Variants in SCARB1 observed in about 807,000 individuals in gnomAD.
SCARB1 encodes CD36 and LIMPII analogous 1.
SCARB1 carries 30 observed loss-of-function variants against 57.2 expected under a neutral mutation model. The observed-to-expected ratio is 0.52, with a 90% confidence interval of 0.39 to 0.71. SCARB1 has a LOEUF of 0.71. Ranked by LOEUF, SCARB1 falls within the 30% of genes least tolerant of loss-of-function variation. SCARB1 has a pLI of 0.00. For synonymous variants in SCARB1, 249 were observed against 268.3 expected, an observed-to-expected ratio of 0.93 and a Z score of 0.70; for missense variants, 543 against 671.2, an observed-to-expected ratio of 0.81 and a Z score of 2.11.
chr12:124,858,147 T>TCA (rs371436317), intron 1 of SCARB1, among the ~76,000 whole-genome samples: 24 of 151,592 alleles, frequency 1.6e-4, no homozygotes, highest in East Asian at 9.7e-4. Context: ...ACAGACACCT[T>TCA]CACACACACA....
chr12:124,840,198 T>C (rs1313482491), intron 1 of SCARB1, among the ~76,000 whole-genome samples: 1 of 152,164 alleles, frequency 6.6e-6, no homozygotes, highest in Admixed American at 6.5e-5. Flanking sequence ...TTTTTTTTTT[T>C]TAAGACAGAG....
rs1950630719 is a variant in SCARB1, at chr12:124,814,532, T to C, written c.427-127A>G. 2 of 963,578 alleles carry C rather than the reference T, an allele frequency of 2.1e-6. No individual in the cohort carries two copies. The highest frequency in any genetic ancestry group is 3.3e-6 in the Non-Finnish European group (2 of 613,152). The allele number at this position is 963,578 out of a possible 1,614,324, so 59.7% of individuals were successfully genotyped here. ...GCTGGGGTGCAGGAGGCCCCTGGAG[T>C]GGCCACGTGGGGCATCTGGGACACC... On this transcript the variant is annotated intron_variant, in intron 3 of 12. Transcript: ENST00000261693. The surrounding 1 kb of genome is among the most constrained non-coding windows in gnomAD (Gnocchi z 4.7).
intron 2 of SCARB1, among the ~76,000 whole-genome samples, chr12:124,816,305 C>T (rs572255056): frequency 3.8e-4 from 58 of 152,280 alleles, no homozygotes; most frequent in Non-Finnish European, 2.2e-4. Flanking sequence ...GGTCTGCCTG[C>T]GCCCCCAGCA....
At chr12:124,782,957 C>A (rs1397720494) in intron 11 of SCARB1, 146 bp from the exon 12 acceptor site, 2 of 793,238 alleles carry the variant, frequency 2.5e-6, no homozygotes, top group Non-Finnish European at 4.2e-6. Context: ...TTGCAGGTGG[C>A]TGAGATGTGG....
intron 1 of SCARB1, chr12:124,821,656 G>T: frequency 2.0e-6 from 1 of 497,146 alleles, no homozygotes. Context: ...CATACAATGG[G>T]CGTAAGGAGA....
intron 1 of SCARB1, among the ~76,000 whole-genome samples, chr12:124,843,228 T>C (rs1951979509): frequency 6.8e-6 from 1 of 147,816 alleles, no homozygotes; most frequent in South Asian, 2.2e-4. Flanking sequence ...CACGTGACCA[T>C]CCGCAGCTGC....
At chr12:124,829,064 C>T (rs1951282591) in intron 1 of SCARB1, among the ~76,000 whole-genome samples, 1 of 152,194 alleles carries the variant, frequency 6.6e-6, no homozygotes, top group Non-Finnish European at 1.5e-5. Context: ...ACCCTTGGCT[C>T]ATGTTCCAAC....
chr12:124,840,791 C>A (rs555578925), intron 1 of SCARB1, among the ~76,000 whole-genome samples: 11 of 152,316 alleles, frequency 7.2e-5, no homozygotes, highest in African/African-American at 2.6e-4. Flanking sequence ...CCCCACCTGG[C>A]TCAAATCACC....
At chr12:124,852,548 C>A (rs982552401) in intron 1 of SCARB1, among the ~76,000 whole-genome samples, 13 of 152,232 alleles carry the variant, frequency 8.5e-5, no homozygotes, top group African/African-American at 2.9e-4. Flanking sequence ...CTGCGGAGGA[C>A]CCCCACTGGG....
chr12:124,804,106 C>G (rs1403997161), intron 7 of SCARB1, among the ~76,000 whole-genome samples: 3 of 152,168 alleles, frequency 2.0e-5, no homozygotes, highest in Non-Finnish European at 2.9e-5. Context: ...GTGGGGCCGG[C>G]CCACCCAGGA....
chr12:124,857,269 G>T (rs1594408447), intron 1 of SCARB1, among the ~76,000 whole-genome samples: 1 of 152,162 alleles, frequency 6.6e-6, no homozygotes, highest in South Asian at 2.1e-4. Context: ...AGACACAATA[G>T]TACCTATTTT....
At chr12:124,790,667 C>T (rs182055651) in intron 9 of SCARB1, among the ~76,000 whole-genome samples, 1 of 152,348 alleles carries the variant, frequency 6.6e-6, no homozygotes, top group African/African-American at 2.4e-5. Flanking sequence ...CAGTATGGAG[C>T]AGCAGGGTGG....
chr12:124,853,229 A>C (rs1372212802), intron 1 of SCARB1, among the ~76,000 whole-genome samples: 5 of 152,204 alleles, frequency 3.3e-5, no homozygotes, highest in African/African-American at 1.2e-4. Context: ...GCAGGACAGC[A>C]TGTGACACGT....
chr12:124,784,707 T>C (rs1949448176), intron 11 of SCARB1: 2 of 152,360 alleles, frequency 1.3e-5, no homozygotes, highest in African/African-American at 4.8e-5. Context: ...GGCCCTAGGA[T>C]GATGCAGGTG....
At chr12:124,788,837 G>A (rs1949617788) in intron 9 of SCARB1, among the ~76,000 whole-genome samples, 1 of 152,126 alleles carries the variant, frequency 6.6e-6, no homozygotes, top group Admixed American at 6.5e-5. Flanking sequence ...GCACACAGAG[G>A]CACAAAGATG....
At chr12:124,845,182 G>A (rs995277774) in intron 1 of SCARB1, among the ~76,000 whole-genome samples, 4 of 152,130 alleles carry the variant, frequency 2.6e-5, no homozygotes, top group African/African-American at 7.2e-5. Context: ...CCGAACATGC[G>A]CGCTCCCAGC....
intron 1 of SCARB1, among the ~76,000 whole-genome samples, chr12:124,836,023 A>G (rs1951634046): frequency 6.6e-6 from 1 of 152,046 alleles, no homozygotes; most frequent in South Asian, 2.1e-4. Context: ...AGAACGTGGC[A>G]TTCATTCATT....
At position 124,795,185 on chromosome 12, in the gene SCARB1, C is replaced by T. The variant is rs888828592; in HGVS notation, c.1202+10G>A. The T allele has an allele frequency of 1.6e-5, 25 of 1,610,510 alleles. No homozygotes were observed. Among genetic ancestry groups the T allele is most frequent in the Non-Finnish European group, 1.9e-5 (22 of 1,176,942 alleles). On this transcript the variant is annotated intron_variant, in intron 9 of 12. Coordinates refer to ENST00000261693, the MANE Select transcript of SCARB1 (RefSeq NM_005505.5). ...GAGCAATGCAGCCCCAGCTCCCAGT[C>T]CCCACTCACCCAATGCCTGCGACAG...
intron 6 of SCARB1, among the ~76,000 whole-genome samples, chr12:124,809,658 T>G (rs539970231): frequency 6.6e-6 from 1 of 152,090 alleles, no homozygotes; most frequent in South Asian, 2.1e-4. Context: ...TCCACATGAG[T>G]GAATTCCTAA....
Sources: allele counts gnomAD v4.1 joint callset (sites outside exome capture counted in the v4.1 genomes callset), GRCh38; gene constraint gnomAD v4.1.1; non-coding constraint Gnocchi (gnomAD v3.1); transcripts MANE v1.5; gene names NCBI Gene and HGNC (gene_info 2026-07-23, HGNC 2026-07-21).